Variants in RGS7BP observed in about 807,000 individuals in gnomAD.
RGS7BP encodes regulator of G protein signaling 7 binding protein, also known as regulator of G protein signaling 7-binding protein.
In RGS7BP, 9 loss-of-function variants were observed where a neutral mutation model predicts 31.3. The ratio of observed to expected loss-of-function variants is 0.29; its 90% CI spans 0.17 to 0.50. The LOEUF (loss-of-function observed/expected upper bound fraction) is 0.50. Among genes scored for constraint, RGS7BP ranks in the 20% least tolerant of loss-of-function variants. The pLI is 0.98. For missense variants in RGS7BP, 274 were observed against 322.0 expected (o/e 0.85, Z 1.14); for synonymous variants, 115 against 120.1 (o/e 0.96, Z 0.28).
At chr5:64,568,646 G>A (rs888463081) in intron 2 of RGS7BP, among the ~76,000 whole-genome samples, 15 of 151,978 alleles carry the variant, frequency 9.9e-5, no homozygotes, top group Admixed American at 3.9e-4. Context: ...AAATGTCACC[G>A]CTTATTCCCA....
chr5:64,513,174 A>G (rs1748885272), intron 2 of RGS7BP, among the ~76,000 whole-genome samples: 1 of 152,248 alleles, frequency 6.6e-6, no homozygotes, highest in Admixed American at 6.5e-5. Context: ...AACCTAGTAC[A>G]TTCACAAGAA....
intron 3 of RGS7BP, among the ~76,000 whole-genome samples, chr5:64,590,499 G>T (rs188358270): frequency 6.6e-5 from 10 of 152,104 alleles, no homozygotes; most frequent in African/African-American, 2.2e-4. Flanking sequence ...AATGTATTCT[G>T]TGGATTGTTT....
intron 3 of RGS7BP, among the ~76,000 whole-genome samples, chr5:64,583,145 T>C (rs909808754): frequency 2.6e-5 from 4 of 152,176 alleles, no homozygotes; most frequent in Non-Finnish European, 4.4e-5. Context: ...CCCAGTACTT[T>C]GGGAGGCCGA....
intron 2 of RGS7BP, among the ~76,000 whole-genome samples, chr5:64,519,007 A>C (rs1749041696): frequency 2.0e-5 from 3 of 152,318 alleles, no homozygotes. Context: ...AACTTCCCTG[A>C]CTGCAAGTTT....
At chr5:64,552,414 T>C (rs151203983) in intron 2 of RGS7BP, among the ~76,000 whole-genome samples, 2 of 152,348 alleles carry the variant, frequency 1.3e-5, no homozygotes, top group African/African-American at 4.8e-5. Context: ...TTCTTAATTA[T>C]TTAACTTATG....
intron 2 of RGS7BP, among the ~76,000 whole-genome samples, chr5:64,575,227 T>C (rs1302379114): frequency 6.6e-6 from 1 of 152,158 alleles, no homozygotes; most frequent in Admixed American, 6.5e-5. Context: ...TTTAATTTTT[T>C]CATTAAAAAC....
chr5:64,598,743 T>G (rs1743143350), intron 5 of RGS7BP, among the ~76,000 whole-genome samples: 2 of 152,204 alleles, frequency 1.3e-5, no homozygotes. Flanking sequence ...AAGGAAGATC[T>G]CTGCCATCCA....
At chr5:64,599,459 T>A (rs1305144445) in intron 5 of RGS7BP, among the ~76,000 whole-genome samples, 1 of 152,126 alleles carries the variant, frequency 6.6e-6, no homozygotes, top group Non-Finnish European at 1.5e-5. Flanking sequence ...CAGGAGCAGC[T>A]CAGCAGAAGG....
chr5:64,560,976 A>G (rs1734143011), intron 2 of RGS7BP, among the ~76,000 whole-genome samples: 1 of 152,168 alleles, frequency 6.6e-6, no homozygotes, highest in Non-Finnish European at 1.5e-5. Context: ...GAGCACAAAA[A>G]GTTAGAGAGG....
intron 1 of RGS7BP, 116 bp from the exon 2 acceptor site, chr5:64,507,595 G>C (rs1009417404): frequency 7.0e-6 from 6 of 853,516 alleles, no homozygotes; most frequent in Non-Finnish European, 1.1e-5. Context: ...TCCTTAGCTG[G>C]AGATCTGGGG....
At chr5:64,513,063 G>A (rs968088450) in intron 2 of RGS7BP, among the ~76,000 whole-genome samples, 4 of 152,118 alleles carry the variant, frequency 2.6e-5, no homozygotes, top group Non-Finnish European at 5.9e-5. Context: ...TTAATTCATA[G>A]AGAATCACAT....
At chr5:64,559,859 T>A (rs1369631255) in intron 2 of RGS7BP, among the ~76,000 whole-genome samples, 1 of 152,118 alleles carries the variant, frequency 6.6e-6, no homozygotes, top group Non-Finnish European at 1.5e-5. Context: ...ACATGTGGGA[T>A]TTTAAAAAAA....
intron 4 of RGS7BP, among the ~76,000 whole-genome samples, chr5:64,597,892 C>G (rs930039265): frequency 6.6e-6 from 1 of 152,184 alleles, no homozygotes; most frequent in African/African-American, 2.4e-5. Flanking sequence ...TAAATTTACA[C>G]AAATTTTAAC....
In RGS7BP at chr5:64,606,039, T is replaced by TAGAG. The variant is rs372992231; in HGVS notation, c.683-3104_683-3101dup. ...CTGGATACATATATATATATATATA[T>TAGAG]AGAGAGAGAGAGAGAGAGAGAAGGC... On this transcript the variant is annotated intron_variant, in intron 5 of 5. Transcript: ENST00000334025. Among the ~76,000 whole-genome samples the TAGAG allele has an allele frequency of 1.9e-4, 23 of 123,720 alleles. 3 individuals are homozygous for TAGAG. The highest frequency in any genetic ancestry group is 5.0e-4 in the African/African-American group (16 of 32,278). 81.2% of individuals were successfully genotyped at this position (123,720 alleles called of 152,430 possible).
At position 64,582,583 on chromosome 5, in the gene RGS7BP, C is replaced by A. The variant is rs531241502; in HGVS notation, c.463+6679C>A. ...TCCTCTCCCAAAGATAAGATGGGTTCTTTCCCCTAAAATGTGCTACCATGG... is the reference window on the plus strand; with the variant it reads ...TCCTCTCCCAAAGATAAGATGGGTTATTTCCCCTAAAATGTGCTACCATGG... On this transcript the variant is annotated intron_variant, in intron 3 of 5. Coordinates refer to ENST00000334025, the MANE Select transcript of RGS7BP (RefSeq NM_001029875.3). Among the ~76,000 whole-genome samples the A allele has an allele frequency of 2.0e-5, 3 of 152,260 alleles. No homozygotes were observed. The South Asian group carries it at 6.2e-4, about 32-fold the overall frequency.
At position 64,527,846 on chromosome 5, in the gene RGS7BP, T is replaced by C. The variant is rs1180638303; in HGVS notation, c.332+19969T>C. 5.9e-5 allele frequency among the ~76,000 whole-genome samples: 9 copies of C among 152,294 alleles called. No individual in the cohort carries two copies. The East Asian group carries it at 1.5e-3, about 26-fold the overall frequency. On this transcript the variant is annotated intron_variant, in intron 2 of 5. Coordinates refer to ENST00000334025, the MANE Select transcript of RGS7BP (RefSeq NM_001029875.3). ...TTGCAAGGATATACACCAAAATCTTTAGTTTTTCCTTTCCTGATGAATGAC... is the reference window on the plus strand; with the variant it reads ...TTGCAAGGATATACACCAAAATCTTCAGTTTTTCCTTTCCTGATGAATGAC...
At chr5:64,538,236 T>G (rs1229708252) in intron 2 of RGS7BP, among the ~76,000 whole-genome samples, 1 of 152,122 alleles carries the variant, frequency 6.6e-6, no homozygotes, top group African/African-American at 2.4e-5. Flanking sequence ...AAATTCATTT[T>G]TTGTTGTACA....
chr5:64,542,120 T>C (rs929980367), intron 2 of RGS7BP, among the ~76,000 whole-genome samples: 1 of 152,256 alleles, frequency 6.6e-6, no homozygotes, highest in African/African-American at 2.4e-5. Flanking sequence ...TTATTCCTTA[T>C]ATATACTTCG....
chr5:64,516,236 A>T (rs1251307919), intron 2 of RGS7BP, among the ~76,000 whole-genome samples: 1 of 152,354 alleles, frequency 6.6e-6, no homozygotes, highest in East Asian at 1.9e-4. Flanking sequence ...ACAAGGGGAA[A>T]TATATACTAA....
Sources: allele counts gnomAD v4.1 joint callset (sites outside exome capture counted in the v4.1 genomes callset), GRCh38; gene constraint gnomAD v4.1.1; transcripts MANE v1.5; gene names NCBI Gene and HGNC (gene_info 2026-07-23, HGNC 2026-07-21).